SETD3: variants seen among roughly 807,000 people sequenced by gnomAD.
The protein encoded by SETD3 is actin-histidine N-methyltransferase.
SETD3 carries 19 observed loss-of-function variants against 63.0 expected under a neutral mutation model. The observed-to-expected ratio is 0.30, with a 90% CI of 0.21 to 0.44. The LOEUF (loss-of-function observed/expected upper bound fraction) is 0.44. Among genes scored for constraint, SETD3 ranks in the 20% least tolerant of loss-of-function variants. SETD3 has a pLI of 1.00. For synonymous variants in SETD3, 286 were observed against 264.1 expected, an observed-to-expected ratio of 1.08 and a Z score of -0.80; for missense variants, 587 against 728.5, an observed-to-expected ratio of 0.81 and a Z score of 2.24.
chr14:99,482,054 A>C (rs3918039), upstream of SETD3, among the ~76,000 whole-genome samples: 90 of 152,296 alleles, frequency 5.9e-4, no homozygotes, highest in Non-Finnish European at 1.2e-3. Context: ...TTGTTATGAG[A>C]GAAATTGTTC....
intron 6 of SETD3, among the ~76,000 whole-genome samples, chr14:99,454,645 T>C (rs1894653213): frequency 6.6e-6 from 1 of 152,218 alleles, no homozygotes; most frequent in African/African-American, 2.4e-5. Flanking sequence ...GGCACAGTGC[T>C]AAGGGCCTCA....
chr14:99,428,586 CAGTA>C (rs1337587554), intron 6 of SETD3, among the ~76,000 whole-genome samples: 2 of 152,050 alleles, frequency 1.3e-5, no homozygotes, highest in Non-Finnish European at 2.9e-5. Context: ...GTGGAGTTTG[CAGTA>C]AGCCGAGATC....
chr14:99,465,949 G>A (rs2139795146), intron 1 of SETD3, 136 bp from the exon 2 acceptor site: 1 of 537,256 alleles, frequency 1.9e-6, no homozygotes. Flanking sequence ...TTTTCTTCCA[G>A]AAAAAGAAAT....
rs778910078 is a variant in SETD3 at position 99,398,639 on chromosome 14, C to T, written c.*40G>A. ...GCGATGTGAACGGACTGTCCGTCAACTCCTGCTCCACTGGATCCCCCATCC... is the reference window on the plus strand; with the variant it reads ...GCGATGTGAACGGACTGTCCGTCAATTCCTGCTCCACTGGATCCCCCATCC... On this transcript the variant is annotated 3_prime_UTR_variant, in exon 13 of 13. Coordinates refer to ENST00000331768, the MANE Select transcript of SETD3 (RefSeq NM_032233.3). The T allele has an allele frequency of 8.9e-6, 14 of 1,574,330 alleles. No individual in the cohort carries two copies. Among genetic ancestry groups the T allele is most frequent in the Non-Finnish European group, 1.0e-5 (12 of 1,148,850 alleles).
intron 1 of SETD3, among the ~76,000 whole-genome samples, chr14:99,467,999 C>G (rs926421419): frequency 2.6e-5 from 4 of 152,222 alleles, no homozygotes; most frequent in African/African-American, 9.6e-5. Context: ...TGATCTTCCT[C>G]GCACTTTAAG....
At chr14:99,415,725 A>C (rs554618577) in intron 6 of SETD3, among the ~76,000 whole-genome samples, 2 of 152,372 alleles carry the variant, frequency 1.3e-5, no homozygotes, top group South Asian at 4.1e-4. Context: ...CTTCTTAAGA[A>C]ATAGGGTGTA....
intron 6 of SETD3, among the ~76,000 whole-genome samples, chr14:99,446,636 T>G (rs1194058244): frequency 6.6e-6 from 1 of 152,170 alleles, no homozygotes; most frequent in African/African-American, 2.4e-5. Flanking sequence ...GTGCATCACT[T>G]TGCTGGACAT....
chr14:99,481,633 G>C (rs1375481512), upstream of SETD3: 2 of 392,002 alleles, frequency 5.1e-6, no homozygotes, highest in Non-Finnish European at 9.0e-6. Flanking sequence ...TGAACTTTGC[G>C]GGCGACGCGG....
intron 7 of SETD3, among the ~76,000 whole-genome samples, chr14:99,413,447 A>G (rs1374583193): frequency 6.6e-6 from 1 of 152,182 alleles, no homozygotes; most frequent in African/African-American, 2.4e-5. Flanking sequence ...AGCAAACCAT[A>G]AAACTCCTTT....
At chr14:99,424,393 G>A (rs943408746) in intron 6 of SETD3, among the ~76,000 whole-genome samples, 5 of 152,152 alleles carry the variant, frequency 3.3e-5, no homozygotes, top group African/African-American at 1.2e-4. Context: ...AAAGAAGCCA[G>A]ACCCCAGGCC....
upstream of SETD3, among the ~76,000 whole-genome samples, chr14:99,481,956 T>C (rs1048992882): frequency 4.6e-5 from 7 of 152,306 alleles, no homozygotes; most frequent in African/African-American, 1.7e-4. Flanking sequence ...AGGGTGCGGC[T>C]AAGATGAGGA....
At chr14:99,427,797 T>A (rs553531474) in intron 6 of SETD3, among the ~76,000 whole-genome samples, 13 of 152,256 alleles carry the variant, frequency 8.5e-5, no homozygotes, top group Non-Finnish European at 1.2e-4. Flanking sequence ...ACAGGCAAAC[T>A]GTGACGTGTC....
intron 6 of SETD3, among the ~76,000 whole-genome samples, chr14:99,453,201 G>A (rs1438892740): frequency 1.3e-5 from 2 of 152,158 alleles, no homozygotes; most frequent in Non-Finnish European, 2.9e-5. Context: ...GGAAAAGCAT[G>A]GGAAAGATAC....
intron 6 of SETD3, among the ~76,000 whole-genome samples, chr14:99,441,340 G>A (rs945101752): frequency 1.3e-5 from 2 of 152,228 alleles, no homozygotes; most frequent in Non-Finnish European, 2.9e-5. Flanking sequence ...TGACTTACAC[G>A]TAGAGAACAA....
chr14:99,425,796 A>ATT (rs1477378739), intron 6 of SETD3, among the ~76,000 whole-genome samples: 1 of 152,204 alleles, frequency 6.6e-6, no homozygotes, highest in Non-Finnish European at 1.5e-5. Context: ...GCACTTAATG[A>ATT]ATCTACTGCA....
intron 11 of SETD3, among the ~76,000 whole-genome samples, chr14:99,401,130 C>A (rs1254381843): frequency 6.7e-6 from 1 of 148,426 alleles, no homozygotes; most frequent in Non-Finnish European, 1.5e-5. Context: ...CCAAGTGAGA[C>A]CCTGTCTCAA....
At chr14:99,482,822 C>G (rs1473209415), upstream of SETD3, among the ~76,000 whole-genome samples, 5 of 151,950 alleles carry the variant, frequency 3.3e-5, no homozygotes, top group African/African-American at 1.2e-4. Context: ...ATAAAATGGG[C>G]TAGTTCATTT....
Position 99,398,722 on chromosome 14 carries a change from G to A in SETD3, c.1742C>T (p.Ala581Val). 1.2e-6 allele frequency: 2 copies of A among 1,614,140 alleles called. No homozygotes were observed. The highest frequency in any genetic ancestry group is 8.5e-7 in the Non-Finnish European group (1 of 1,180,032). ...AGTGCTGTCTGAAGAAGATCCTTTG[G>A]CGTCTTCAACTGCTCTTTTACTTTC... ...NQESKRAVED[A>V]KGSSSDSTAG... Residue 581 changes from alanine (A) to valine (V), a missense_variant, in exon 13 of 13, where the codon GCC (alanine) becomes GTC (valine). Ala to Val is a moderately conservative substitution (Grantham distance 64, BLOSUM62 0). Coordinates refer to ENST00000331768, the MANE Select transcript of SETD3 (RefSeq NM_032233.3).
At chr14:99,407,837 TG>T (rs1293705876) in intron 8 of SETD3, among the ~76,000 whole-genome samples, 7 of 152,166 alleles carry the variant, frequency 4.6e-5, no homozygotes, top group Non-Finnish European at 1.0e-4. Flanking sequence ...AGCCCCTTGT[TG>T]ATCTCTGTGT....
Sources: allele counts gnomAD v4.1 joint callset (sites outside exome capture counted in the v4.1 genomes callset), GRCh38; gene constraint gnomAD v4.1.1; transcripts MANE v1.5; gene names NCBI Gene and HGNC (gene_info 2026-07-23, HGNC 2026-07-21).